The following ABCB5 variants were observed in gnomAD, a reference collection of about 807,000 sequenced individuals.
ABCB5 encodes the protein ATP binding cassette subfamily B member 5, also known as ATP-binding cassette sub-family B member 5.
In ABCB5, 155 loss-of-function variants were observed where a neutral mutation model predicts 144.2. The observed-to-expected ratio is 1.08, with a 90% CI of 0.94 to 1.23. ABCB5 has a LOEUF of 1.23. ABCB5 is among the 50% of genes most tolerant of loss of function. The pLI, the probability that ABCB5 is intolerant of heterozygous loss-of-function variation, is 0.00. For missense variants in ABCB5, 1,830 were observed against 1,520.8 expected (o/e 1.20, Z -3.38); for synonymous variants, 610 against 528.6 (o/e 1.15, Z -2.11).
In ABCB5 at chr7:20,702,178, A is replaced by G. The variant is rs1786651470; in HGVS notation, c.2337+2043A>G. ...GTTCTAAGTGTTGCTGACTTCAGTC[A>G]CTGAATAATTCGTCGTTCATTGTGT... On this transcript the variant is annotated intron_variant, in intron 19 of 27. Transcript: ENST00000404938. Among the ~76,000 whole-genome samples, 4 of 152,338 alleles carry G rather than the reference A, an allele frequency of 2.6e-5. No individual in the cohort carries two copies. In the South Asian group the frequency reaches 8.3e-4, roughly 32 times the overall value.
At chr7:20,659,933 C>T (rs993450023) in intron 14 of ABCB5, 2 of 976,980 alleles carry the variant, frequency 2.0e-6, no homozygotes, top group Admixed American at 6.1e-5. Context: ...ATCCGCCCAC[C>T]TCGGCCTCCC....
At chr7:20,721,305 T>G (rs1398262000) in intron 20 of ABCB5, among the ~76,000 whole-genome samples, 1 of 152,216 alleles carries the variant, frequency 6.6e-6, no homozygotes, top group Non-Finnish European at 1.5e-5. Flanking sequence ...CAGGTTATTT[T>G]GTCTGACTAC....
intron 22 of ABCB5, 34 bp from the exon 23 acceptor site, chr7:20,728,281 T>A (rs770632927): frequency 1.9e-6 from 3 of 1,608,596 alleles, no homozygotes; most frequent in South Asian, 2.2e-5. Context: ...CTATAATTCA[T>A]GCCTCATTAT....
At chr7:20,686,252 C>A (rs1173460122) in intron 16 of ABCB5, among the ~76,000 whole-genome samples, 1 of 152,122 alleles carries the variant, frequency 6.6e-6, no homozygotes, top group Non-Finnish European at 1.5e-5. Flanking sequence ...GCTTGCAGTC[C>A]CAGGGCACAA....
At chr7:20,646,418 G>T (rs1039679918) in intron 9 of ABCB5, among the ~76,000 whole-genome samples, 1 of 152,160 alleles carries the variant, frequency 6.6e-6, no homozygotes, top group African/African-American at 2.4e-5. Context: ...ACTGAGTTTT[G>T]TTAATCTAGC....
intron 14 of ABCB5, chr7:20,659,031 T>G: frequency 6.2e-7 from 1 of 1,604,858 alleles, no homozygotes; most frequent in Non-Finnish European, 8.5e-7. Flanking sequence ...CATACACCTG[T>G]GGGATTCTCT....
chr7:20,685,014 A>T (rs894984491), intron 15 of ABCB5, among the ~76,000 whole-genome samples: 1 of 152,124 alleles, frequency 6.6e-6, no homozygotes, highest in African/African-American at 2.4e-5. Flanking sequence ...CCTTTATTTC[A>T]CTAAAGTGGT....
At chr7:20,698,596 T>C in intron 17 of ABCB5, 46 bp downstream of exon 17, 1 of 1,530,968 alleles carries the variant, frequency 6.5e-7, no homozygotes, top group Non-Finnish European at 8.8e-7. Flanking sequence ...TTAAAGAAAG[T>C]ATGACCTGAG....
At chr7:20,655,001 G>A (rs1770592433) in intron 13 of ABCB5, among the ~76,000 whole-genome samples, 1 of 144,952 alleles carries the variant, frequency 6.9e-6, no homozygotes, top group Non-Finnish European at 1.5e-5. Flanking sequence ...ACCAAAAACT[G>A]AAAAACATCA....
intron 14 of ABCB5, among the ~76,000 whole-genome samples, chr7:20,673,925 G>T (rs1218096158): frequency 2.6e-5 from 4 of 151,742 alleles, no homozygotes; most frequent in African/African-American, 9.7e-5. Context: ...CTTATTTATA[G>T]AACTTTGATA....
intron 15 of ABCB5, among the ~76,000 whole-genome samples, chr7:20,682,211 C>T (rs1039104818): frequency 5.3e-5 from 8 of 151,920 alleles, no homozygotes; most frequent in African/African-American, 1.5e-4. Context: ...TTCAAAAAAA[C>T]GAACAAACAA....
chr7:20,656,906 CTTTTTCTT>C (rs1445678764), intron 13 of ABCB5, among the ~76,000 whole-genome samples: 2,156 of 135,684 alleles, frequency 0.016, 58 homozygotes, highest in African/African-American at 0.052. Context: ...TTTCTTTTTC[CTTTTTCTT>C]TTTTTTTTTT....
intron 14 of ABCB5, among the ~76,000 whole-genome samples, chr7:20,665,825 G>A (rs2128032920): frequency 6.7e-6 from 1 of 149,528 alleles, no homozygotes; most frequent in East Asian, 2.0e-4. Context: ...AGATATACAA[G>A]CTTCCAGATG....
At chr7:20,704,666 C>T (rs927554930) in intron 19 of ABCB5, 58 bp from the exon 20 acceptor site, 1 of 1,405,128 alleles carries the variant, frequency 7.1e-7, no homozygotes, top group East Asian at 2.3e-5. Flanking sequence ...AGAAAAATCA[C>T]AAGTCAGATA....
intron 14 of ABCB5, chr7:20,667,624 A>C (rs1164485748): frequency 1.2e-6 from 1 of 859,156 alleles, no homozygotes; most frequent in Non-Finnish European, 1.4e-6. Context: ...TGGCTTCATG[A>C]ATAAGATTTG....
At chr7:20,651,105 T>C (rs56833101) in intron 12 of ABCB5, among the ~76,000 whole-genome samples, 15,715 of 152,214 alleles carry the variant, frequency 0.1, 2,556 homozygotes, top group African/African-American at 0.34. Context: ...GTTTTTTGTA[T>C]GTGTCTACAT....
rs574592723 is a variant in ABCB5 at position 20,717,883 on chromosome 7, CTTTTTTTTTTTTTTTTTTTTTT to C, written c.2422-5118_2422-5097del. 8.3e-3 allele frequency among the ~76,000 whole-genome samples: 359 copies of C among 43,272 alleles called. 3 individuals carry two copies. The highest frequency in any genetic ancestry group is 0.024 in the African/African-American group (329 of 13,668). The allele number at this position is 43,272 out of a possible 152,430, so 28.4% of individuals were successfully genotyped here. A position where few individuals can be genotyped will look rare whatever the true frequency, so the allele number is the denominator to read the frequency against. On this transcript the variant is annotated intron_variant, in intron 20 of 27. Coordinates refer to ENST00000404938, the MANE Select transcript of ABCB5 (RefSeq NM_001163941.2). ...AATACGGTAACATTCTTGTAACATT[CTTTTTTTTTTTTTTTTTTTTTT>C]TTTTTTTTTTTTTTGATACAGAGCC...
intron 5 of ABCB5, among the ~76,000 whole-genome samples, chr7:20,638,507 C>T (rs534747947): frequency 6.6e-6 from 1 of 152,154 alleles, no homozygotes; most frequent in Non-Finnish European, 1.5e-5. Context: ...TCATTTGCAA[C>T]CAATCCCTAT....
At chr7:20,693,237 T>C (rs1786293835) in intron 16 of ABCB5, among the ~76,000 whole-genome samples, 1 of 152,008 alleles carries the variant, frequency 6.6e-6, no homozygotes, top group Non-Finnish European at 1.5e-5. Flanking sequence ...AATAGTGGCA[T>C]GTTCCTGTAG....
Sources: gnomAD v4.1 joint callset for allele counts (sites outside exome capture counted in the v4.1 genomes callset) on GRCh38, gnomAD v4.1.1 for gene constraint, MANE v1.5 for transcripts, NCBI Gene and HGNC (gene_info 2026-07-23, HGNC 2026-07-21) for gene names.